Variants in POLI observed in about 807,000 individuals in gnomAD.
The protein encoded by POLI is DNA polymerase iota.
POLI carries 58 observed loss-of-function variants against 51.6 expected under a neutral mutation model. The observed-to-expected ratio is 1.12, with a 90% CI of 0.91 to 1.40. The LOEUF (loss-of-function observed/expected upper bound fraction) is 1.40. Among genes scored for constraint, POLI ranks in the 40% most tolerant of loss-of-function variants. The probability of loss-of-function intolerance (pLI) is 0.00; values close to 1 mark genes in which losing one functional copy is unlikely to be tolerated. For synonymous variants in POLI, 322 were observed against 299.7 expected, an observed-to-expected ratio of 1.07 and a Z score of -0.77; for missense variants, 921 against 871.3, an observed-to-expected ratio of 1.06 and a Z score of -0.72.
intron 3 of POLI, among the ~76,000 whole-genome samples, chr18:54,303,240 TA>T (rs1011884879): frequency 4.6e-4 from 70 of 152,278 alleles, no homozygotes; most frequent in Non-Finnish European, 6.8e-4. Flanking sequence ...CCTAAGTACC[TA>T]ATTAGCTGTA....
chr18:54,300,134 A>G (rs889093905), downstream of POLI, among the ~76,000 whole-genome samples: 1 of 152,192 alleles, frequency 6.6e-6, no homozygotes, highest in African/African-American at 2.4e-5. Flanking sequence ...AGATCTACAC[A>G]CAGAAATGAG....
Position 54,295,770 on chromosome 18 carries a change from C to T in POLI, c.*1303C>T, listed in dbSNP as rs906969112. The T allele has an allele frequency of 3.6e-5, 7 of 192,620 alleles. No individual in the cohort carries two copies. Among genetic ancestry groups the T allele is most frequent in the East Asian group, 1.9e-4 (1 of 5,330 alleles). 11.9% of individuals were successfully genotyped at this position (192,620 alleles called of 1,614,324 possible). A position where few individuals can be genotyped will look rare whatever the true frequency, so the allele number is the denominator to read the frequency against. On this transcript the variant is annotated 3_prime_UTR_variant, in exon 10 of 10. Transcript: ENST00000579534. ...AGCCTCCTGAGTAGCTGGGATTACACGCATGCCCTACCACACCCAGCAAAT... is the reference window on the plus strand; with the variant it reads ...AGCCTCCTGAGTAGCTGGGATTACATGCATGCCCTACCACACCCAGCAAAT...
chr18:54,307,578 G>A (rs1054038987), intron 3 of POLI, among the ~76,000 whole-genome samples: 5 of 152,196 alleles, frequency 3.3e-5, no homozygotes, highest in African/African-American at 1.2e-4. Flanking sequence ...GGGGTGGAGA[G>A]TTCTGTAGAT....
chr18:54,275,467 A>T (rs2087199647), intron 3 of POLI, among the ~76,000 whole-genome samples: 1 of 152,224 alleles, frequency 6.6e-6, no homozygotes, highest in Non-Finnish European at 1.5e-5. Context: ...CATCTGTATA[A>T]TGGATATTAT....
chr18:54,282,876 G>A lies in POLI; in HGVS notation c.836G>A (p.Gly279Asp), dbSNP rs757736389. The A allele has an allele frequency of 1.9e-6, 3 of 1,575,536 alleles. No homozygotes were observed. The African/African-American group carries it at 4.0e-5, about 21-fold the overall frequency. The change falls in exon 6 of 10, where the codon GGT (glycine) becomes GAT (aspartate). Residue 279 changes from glycine (G) to aspartate (D), a missense_variant. Coordinates refer to ENST00000579534, the MANE Select transcript of POLI (RefSeq NM_007195.3). The part of the protein sequence containing the change: ...YKTAKCLEAL[G>D]INSVRDLQTF... ...ACTGCCAAATGTCTTGAAGCACTGG[G>A]TATCAATAGTGTGCGTGATCTCCAA...
rs1164241138 is a variant in POLI, at chr18:54,295,277, G to A, written c.*810G>A. 7 of 984,436 alleles carry A rather than the reference G, an allele frequency of 7.1e-6. No homozygotes were observed. The East Asian group carries it at 7.9e-4, about 112-fold the overall frequency. The allele number at this position is 984,436 out of a possible 1,614,324, so 61.0% of individuals were successfully genotyped here. Reference sequence around the variant, plus strand: ...GGCCTAAAAGCACTGAGATGTTTTTGTATCTTCCCTACATTTGGAGATGAT... The same window carrying A: ...GGCCTAAAAGCACTGAGATGTTTTTATATCTTCCCTACATTTGGAGATGAT... On this transcript the variant is annotated 3_prime_UTR_variant, in exon 10 of 10. Transcript: ENST00000579534.
Position 54,297,193 on chromosome 18 carries a change from C to G in POLI, c.*2726C>G, listed in dbSNP as rs2144618039. The G allele has an allele frequency of 1.0e-6, 1 of 984,400 alleles. No homozygotes were observed. The allele number at this position is 984,400 out of a possible 1,614,324, so 61.0% of individuals were successfully genotyped here. On this transcript the variant is annotated 3_prime_UTR_variant, in exon 10 of 10. Transcript: ENST00000579534. ...CAAACTAACAGGCAGATGCTGTTAGCTATCTGCCTCCAGGGATAAACCCCA... is the reference window on the plus strand; with the variant it reads ...CAAACTAACAGGCAGATGCTGTTAGGTATCTGCCTCCAGGGATAAACCCCA...
chr18:54,288,850 A>G (rs906807824), intron 8 of POLI, among the ~76,000 whole-genome samples: 4 of 151,604 alleles, frequency 2.6e-5, no homozygotes, highest in South Asian at 2.1e-4. Context: ...TTTTGTAGTC[A>G]TTATATTTTA....
intron 3 of POLI, among the ~76,000 whole-genome samples, chr18:54,303,775 A>G (rs1387255868): frequency 6.9e-6 from 1 of 144,202 alleles, no homozygotes; most frequent in African/African-American, 2.6e-5. Context: ...TTTTTTTTTT[A>G]ATTATACTTT....
At chr18:54,299,199 C>A (rs570193160), downstream of POLI, among the ~76,000 whole-genome samples, 212 of 152,256 alleles carry the variant, frequency 1.4e-3, 1 homozygote, top group African/African-American at 4.8e-3. Context: ...CTTTGGGAGG[C>A]CGAGGCTGGT....
At chr18:54,279,282 G>A (rs1262158037) in intron 4 of POLI, among the ~76,000 whole-genome samples, 5 of 132,934 alleles carry the variant, frequency 3.8e-5, no homozygotes, top group African/African-American at 5.8e-5. Flanking sequence ...TCACTCTGTC[G>A]CCCAGGCCGG....
At chr18:54,275,571 A>G (rs907768468) in intron 3 of POLI, among the ~76,000 whole-genome samples, 8 of 152,220 alleles carry the variant, frequency 5.3e-5, no homozygotes, top group African/African-American at 1.9e-4. Context: ...AAAGTCATGT[A>G]TCATGTTTTT....
rs577571930 is a variant in POLI, at chr18:54,274,927, A to G, written c.406+837A>G. 13 of 152,338 alleles carry G rather than the reference A, an allele frequency of 8.5e-5. No homozygotes were observed. The South Asian group carries it at 2.7e-3, about 32-fold the overall frequency. The allele number at this position is 152,338 out of a possible 1,614,324, so 9.4% of individuals were successfully genotyped here. On this transcript the variant is annotated intron_variant, in intron 3 of 9. Coordinates refer to ENST00000579534, the MANE Select transcript of POLI (RefSeq NM_007195.3). The stretch of plus-strand genomic sequence containing the variant: ...AAAATAAACCTAATAACAAAGGACA[A>G]AGGATATGAATAGGCAGTTGACAAG...
intron 8 of POLI, among the ~76,000 whole-genome samples, chr18:54,288,714 A>G (rs2036243482): frequency 1.3e-5 from 2 of 151,548 alleles, no homozygotes; most frequent in Non-Finnish European, 2.9e-5. Context: ...TTCATCTGTC[A>G]TCTCATAACC....
At chr18:54,287,451 A>T (rs766340767) in intron 8 of POLI, 40 bp downstream of exon 8, 2 of 1,546,424 alleles carry the variant, frequency 1.3e-6, no homozygotes, top group Non-Finnish European at 1.8e-6. Context: ...AGCAGGTTGA[A>T]CTCTTAAATA....
Position 54,292,049 on chromosome 18 carries a change from TC to T in POLI, c.1404+12del. 7.4e-7 allele frequency: 1 copy of T among 1,346,970 alleles called. No homozygotes were observed. The highest frequency in any genetic ancestry group is 1.0e-6 in the Non-Finnish European group (1 of 968,220). The allele number at this position is 1,346,970 out of a possible 1,614,324, so 83.4% of individuals were successfully genotyped here. A position where few individuals can be genotyped will look rare whatever the true frequency, so the allele number is the denominator to read the frequency against. ...GGCAAGCACAGTTTTGTAAGTACAC[TC>T]TTTTTTGTTCAGTTTTCTAAGTATA... On this transcript the variant is annotated intron_variant, in intron 9 of 9. Transcript: ENST00000579534.
intron 3 of POLI, among the ~76,000 whole-genome samples, chr18:54,309,063 A>G (rs1021459819): frequency 6.6e-6 from 1 of 152,176 alleles, no homozygotes; most frequent in Non-Finnish European, 1.5e-5. Flanking sequence ...GTTATTACCA[A>G]CTTTCTGAAG....
At chr18:54,286,069 G>T (rs2087726698) in intron 7 of POLI, among the ~76,000 whole-genome samples, 1 of 152,026 alleles carries the variant, frequency 6.6e-6, no homozygotes, top group South Asian at 2.1e-4. Flanking sequence ...TTGCTATGTT[G>T]CCCAGGCTGG....
intron 8 of POLI, 135 bp from the exon 9 acceptor site, chr18:54,291,698 G>A (rs2088017802): frequency 2.0e-6 from 1 of 507,128 alleles, no homozygotes. Context: ...TATTAATATT[G>A]AAATGTCTTA....
Sources: allele counts gnomAD v4.1 joint callset (sites outside exome capture counted in the v4.1 genomes callset), GRCh38; gene constraint gnomAD v4.1.1; transcripts MANE v1.5; gene names NCBI Gene and HGNC (gene_info 2026-07-23, HGNC 2026-07-21).